WDTC1: variants seen among roughly 807,000 people sequenced by gnomAD.
WDTC1 encodes the protein WD and tetratricopeptide repeats 1, also known as WD and tetratricopeptide repeats protein 1.
In WDTC1, 12 loss-of-function variants were observed where a neutral mutation model predicts 76.0. The ratio of observed to expected loss-of-function variants is 0.16; its 90% CI spans 0.10 to 0.26. WDTC1 has a LOEUF of 0.26. Among genes scored for constraint, WDTC1 ranks in the 10% least tolerant of loss-of-function variants. WDTC1 has a pLI of 1.00. For synonymous variants in WDTC1, 326 were observed against 350.8 expected (o/e 0.93, Z 0.79); for missense variants, 511 against 908.8 (o/e 0.56, Z 5.63).
At chr1:27,304,559 A>G (rs2013907822) in intron 14 of WDTC1, 1 of 157,204 alleles carries the variant, frequency 6.4e-6, no homozygotes, top group Non-Finnish European at 1.4e-5. Context: ...ATGCCACTGT[A>G]CTCCAGCTTG....
At chr1:27,298,763 C>G (rs777984182) in intron 12 of WDTC1, among the ~76,000 whole-genome samples, 18 of 151,144 alleles carry the variant, frequency 1.2e-4, no homozygotes, top group Non-Finnish European at 2.1e-4. Context: ...CCCGCCCCCC[C>G]ATCCCCCAGC....
In WDTC1 at chr1:27,305,242, G is replaced by C; in HGVS notation, c.1836+49G>C. On this transcript the variant is annotated intron_variant, in intron 15 of 15. Transcript: ENST00000319394. This position sits in a 1 kb window ranked among gnomAD's most constrained non-coding sequence, Gnocchi z 4.6. Reference sequence around the variant, plus strand: ...GAGGAGGGCAGGGACTCTGTGGAAGGCTCCAGTGGAGCCTGCTAGCGCAGG... The same window carrying C: ...GAGGAGGGCAGGGACTCTGTGGAAGCCTCCAGTGGAGCCTGCTAGCGCAGG... The C allele has an allele frequency of 1.3e-6, 2 of 1,581,664 alleles. No homozygotes were observed. Among genetic ancestry groups the C allele is most frequent in the South Asian group, 1.1e-5 (1 of 88,326 alleles).
intron 5 of WDTC1, among the ~76,000 whole-genome samples, chr1:27,284,837 A>G (rs1226394044): frequency 1.3e-5 from 2 of 151,702 alleles, no homozygotes; most frequent in African/African-American, 4.8e-5. Flanking sequence ...ATGTATATGT[A>G]TTTAACTCAT....
At position 27,278,546 on chromosome 1, in the gene WDTC1, A is replaced by G. The variant is rs142914643; in HGVS notation, c.133-3693A>G. ...CATGAAGCTTCTTGCCATGACCTGTAAAACACCCTTAGGATCTGGCCTCTG... is the reference window on the plus strand; with the variant it reads ...CATGAAGCTTCTTGCCATGACCTGTGAAACACCCTTAGGATCTGGCCTCTG... On this transcript the variant is annotated intron_variant, in intron 3 of 15. Transcript: ENST00000319394. 1.1e-3 allele frequency among the ~76,000 whole-genome samples: 174 copies of G among 152,342 alleles called. 1 individual carries two copies. Among genetic ancestry groups the G allele is most frequent in the Middle Eastern group, 6.8e-3 (2 of 294 alleles).
chr1:27,302,690 A>T (rs1480982461), intron 13 of WDTC1, among the ~76,000 whole-genome samples: 2 of 152,110 alleles, frequency 1.3e-5, no homozygotes. Flanking sequence ...ACAGTGAGCC[A>T]TGATCACACC....
intron 3 of WDTC1, among the ~76,000 whole-genome samples, chr1:27,281,359 C>A (rs2013184892): frequency 6.8e-6 from 1 of 147,064 alleles, no homozygotes; most frequent in South Asian, 2.1e-4. Flanking sequence ...GAGGCTGAGG[C>A]AGGAGAATGG....
rs1010680952 is a variant in WDTC1 at position 27,307,942 on chromosome 1, AC to A, written c.*1561del. On this transcript the variant is annotated 3_prime_UTR_variant, in exon 16 of 16. Coordinates refer to ENST00000319394, the MANE Select transcript of WDTC1 (RefSeq NM_001276252.2). This position sits in a 1 kb window ranked among gnomAD's most constrained non-coding sequence, Gnocchi z 4.1. ...CCTGCTCCCCTGTCTCTTCTCCGTG[AC>A]CTTTCTCTAGCCAGGGAGAAGGGAG... 1.3e-5 allele frequency: 2 copies of A among 152,196 alleles called. No individual in the cohort carries two copies. The highest frequency in any genetic ancestry group is 4.9e-5 in the African/African-American group (2 of 41,210). 9.4% of individuals were successfully genotyped at this position (152,196 alleles called of 1,614,324 possible).
chr1:27,297,903 T>C (rs1557507974), intron 11 of WDTC1, 35 bp from the exon 12 acceptor site: 3 of 1,574,052 alleles, frequency 1.9e-6, no homozygotes, highest in Admixed American at 1.8e-5. Flanking sequence ...CTGACCTTCT[T>C]TGACTGTTCT....
At chr1:27,261,728 T>TG (rs953367129) in intron 2 of WDTC1, among the ~76,000 whole-genome samples, 1 of 152,148 alleles carries the variant, frequency 6.6e-6, no homozygotes, top group Non-Finnish European at 1.5e-5. Context: ...AATCCCCAGC[T>TG]GGAGTCAGGA....
intron 3 of WDTC1, among the ~76,000 whole-genome samples, chr1:27,270,280 G>A (rs1200041301): frequency 6.6e-6 from 1 of 152,166 alleles, no homozygotes; most frequent in Non-Finnish European, 1.5e-5. Flanking sequence ...TAGATTGCAG[G>A]TGTTTAAACT....
intron 3 of WDTC1, among the ~76,000 whole-genome samples, chr1:27,280,885 A>G (rs1570968213): frequency 6.6e-6 from 1 of 152,226 alleles, no homozygotes; most frequent in South Asian, 2.1e-4. Context: ...AGATCCTTTA[A>G]GCCTCTTCCT....
At chr1:27,252,591 C>T (rs779219595) in intron 1 of WDTC1, among the ~76,000 whole-genome samples, 3 of 151,858 alleles carry the variant, frequency 2.0e-5, no homozygotes, top group Non-Finnish European at 2.9e-5. Flanking sequence ...TGAGGCCAGG[C>T]ATTCGAGACC....
intron 12 of WDTC1, among the ~76,000 whole-genome samples, chr1:27,300,487 C>T (rs2013803473): frequency 6.6e-6 from 1 of 152,118 alleles, no homozygotes; most frequent in Non-Finnish European, 1.5e-5. Context: ...CCTTTCACTT[C>T]CTCTTTCCCC....
chr1:27,294,164 CT>C (rs776502094), intron 8 of WDTC1, 48 bp downstream of exon 8: 29 of 1,587,604 alleles, frequency 1.8e-5, no homozygotes, highest in Non-Finnish European at 2.0e-5. Context: ...TAGATGCTGA[CT>C]CTTTTGGGGG....
At chr1:27,278,339 GACC>G (rs746616329) in intron 3 of WDTC1, among the ~76,000 whole-genome samples, 1 of 152,142 alleles carries the variant, frequency 6.6e-6, no homozygotes, top group African/African-American at 2.4e-5. Flanking sequence ...AAAGATTGCT[GACC>G]TCTGCTTTAG....
intron 3 of WDTC1, among the ~76,000 whole-genome samples, chr1:27,264,126 TAA>T (rs918546362): frequency 1.3e-5 from 2 of 152,090 alleles, no homozygotes; most frequent in African/African-American, 4.8e-5. Flanking sequence ...CCAACTCTAC[TAA>T]AAATACAAAA....
intron 3 of WDTC1, among the ~76,000 whole-genome samples, chr1:27,273,693 G>T (rs747765061): frequency 1.3e-5 from 2 of 152,000 alleles, no homozygotes; most frequent in African/African-American, 4.8e-5. Flanking sequence ...ATAAATATGC[G>T]CTGGTTAAAT....
chr1:27,272,618 C>T (rs531363696), intron 3 of WDTC1, among the ~76,000 whole-genome samples: 19 of 152,118 alleles, frequency 1.2e-4, no homozygotes, highest in African/African-American at 3.4e-4. Flanking sequence ...TAGGGAAAGA[C>T]GAGGAAGAAC....
At chr1:27,304,884 G>A (rs1046114639) in intron 14 of WDTC1, 117 bp from the exon 15 acceptor site, 16 of 1,052,006 alleles carry the variant, frequency 1.5e-5, no homozygotes, top group Admixed American at 2.8e-5. Flanking sequence ...CCCAGCGTGT[G>A]GGGGACTGAG....
Sources: gnomAD v4.1 joint callset for allele counts (sites outside exome capture counted in the v4.1 genomes callset) on GRCh38, gnomAD v4.1.1 for gene constraint, Gnocchi (gnomAD v3.1) non-coding constraint, MANE v1.5 for transcripts, NCBI Gene and HGNC (gene_info 2026-07-23, HGNC 2026-07-21) for gene names.